The following RALYL variants were observed in gnomAD, a reference collection of about 807,000 sequenced individuals.
The protein encoded by RALYL is RALY RNA binding protein like, also known as RNA-binding Raly-like protein.
RALYL carries 29 observed loss-of-function variants against 35.1 expected under a neutral mutation model. The ratio of observed to expected loss-of-function variants is 0.83; its 90% CI spans 0.61 to 1.13. The LOEUF is 1.13. Among genes scored for constraint, RALYL ranks in the 50% most tolerant of loss-of-function variants. RALYL has a pLI of 0.00. For synonymous variants in RALYL, 120 were observed against 127.6 expected, an observed-to-expected ratio of 0.94 and a Z score of 0.40; for missense variants, 359 against 360.4, an observed-to-expected ratio of 1.00 and a Z score of 0.03.
intron 2 of RALYL, among the ~76,000 whole-genome samples, chr8:84,593,930 T>A (rs1813883320): frequency 6.6e-6 from 1 of 152,082 alleles, no homozygotes; most frequent in Admixed American, 6.6e-5. Context: ...TTGTTTATGA[T>A]CATCTTCCTT....
intron 1 of RALYL, among the ~76,000 whole-genome samples, chr8:84,443,377 C>T (rs1344565938): frequency 6.6e-6 from 1 of 152,106 alleles, no homozygotes; most frequent in African/African-American, 2.4e-5. Flanking sequence ...GTAACTAGCA[C>T]ATTGCAGAGA....
intron 1 of RALYL, among the ~76,000 whole-genome samples, chr8:84,453,103 T>TA (rs2049699796): frequency 6.6e-6 from 1 of 152,028 alleles, no homozygotes; most frequent in African/African-American, 2.4e-5. Flanking sequence ...TGATATGTGA[T>TA]ATTATGTTAT....
At chr8:84,583,787 AT>A (rs1204348437) in intron 2 of RALYL, among the ~76,000 whole-genome samples, 5 of 152,280 alleles carry the variant, frequency 3.3e-5, no homozygotes, top group African/African-American at 1.2e-4. Flanking sequence ...GGTATCTTGC[AT>A]TATTAAATCC....
rs190753923 is a variant in RALYL, at chr8:84,680,853, C to A, written c.257-93726C>A. Among the ~76,000 whole-genome samples the A allele has an allele frequency of 9.7e-3, 1,477 of 151,780 alleles. 22 individuals are homozygous for A. Among genetic ancestry groups the A allele is most frequent in the African/African-American group, 0.033 (1,357 of 41,216 alleles). Reference sequence around the variant, plus strand: ...TTGCTGTGCAGAAGCTCTTTAGTTTCATTAGATCCCATTTGTCAATTTTGG... The same window carrying A: ...TTGCTGTGCAGAAGCTCTTTAGTTTAATTAGATCCCATTTGTCAATTTTGG... On this transcript the variant is annotated intron_variant, in intron 2 of 8. Coordinates refer to ENST00000521268, the MANE Select transcript of RALYL (RefSeq NM_173848.7).
At chr8:84,652,737 C>T (rs1829103776) in intron 2 of RALYL, among the ~76,000 whole-genome samples, 1 of 151,944 alleles carries the variant, frequency 6.6e-6, no homozygotes, top group Admixed American at 6.6e-5. Flanking sequence ...TGCTTACCAC[C>T]AAAACTTTTG....
intron 1 of RALYL, among the ~76,000 whole-genome samples, chr8:84,427,216 C>G (rs1216480452): frequency 6.6e-6 from 1 of 152,318 alleles, no homozygotes; most frequent in East Asian, 1.9e-4. Context: ...ATGGCATGTA[C>G]CATCATCGTT....
chr8:84,893,765 AACT>A (rs2135486714), intron 8 of RALYL, among the ~76,000 whole-genome samples: 1 of 152,328 alleles, frequency 6.6e-6, no homozygotes, highest in Admixed American at 6.5e-5. Flanking sequence ...TCCCAAAGGA[AACT>A]ATAGACAAGC....
At chr8:84,747,163 G>A (rs956353717) in intron 2 of RALYL, among the ~76,000 whole-genome samples, 18 of 151,740 alleles carry the variant, frequency 1.2e-4, no homozygotes, top group Non-Finnish European at 2.9e-5. Context: ...AAAATTGTTA[G>A]GAGTATGTTT....
intron 1 of RALYL, among the ~76,000 whole-genome samples, chr8:84,456,981 A>G (rs2050205553): frequency 6.6e-6 from 1 of 151,988 alleles, no homozygotes; most frequent in Non-Finnish European, 1.5e-5. Flanking sequence ...TATGAAACTT[A>G]CCAGAAAATA....
chr8:84,620,413 C>T (rs1343953958), intron 2 of RALYL, among the ~76,000 whole-genome samples: 4 of 152,004 alleles, frequency 2.6e-5, no homozygotes, highest in African/African-American at 4.8e-5. Context: ...GCATTCTTCA[C>T]GTAGTTCTCG....
intron 2 of RALYL, among the ~76,000 whole-genome samples, chr8:84,611,181 G>A (rs548729917): frequency 1.5e-4 from 23 of 152,104 alleles, no homozygotes; most frequent in Non-Finnish European, 2.5e-4. Flanking sequence ...ATGCCACTGA[G>A]TGCATTTTGG....
At chr8:84,586,858 C>CACCATATG (rs1410354105) in intron 2 of RALYL, among the ~76,000 whole-genome samples, 38 of 152,242 alleles carry the variant, frequency 2.5e-4, no homozygotes, top group African/African-American at 8.4e-4. Context: ...ATTGCTAAAG[C>CACCATATG]ACCATATGAT....
intron 2 of RALYL, among the ~76,000 whole-genome samples, chr8:84,644,867 C>G (rs1024545165): frequency 3.3e-5 from 5 of 151,572 alleles, no homozygotes; most frequent in Non-Finnish European, 5.9e-5. Flanking sequence ...TTCTTGTGCC[C>G]CAGTCTCCTG....
chr8:84,738,323 T>A (rs894439041), intron 2 of RALYL, among the ~76,000 whole-genome samples: 1 of 151,958 alleles, frequency 6.6e-6, no homozygotes, highest in African/African-American at 2.4e-5. Context: ...AGAGACATAG[T>A]TAAGACCATG....
chr8:84,472,533 A>G (rs1000936347), intron 1 of RALYL, among the ~76,000 whole-genome samples: 25 of 152,226 alleles, frequency 1.6e-4, no homozygotes, highest in Admixed American at 6.5e-5. Context: ...GTTTAGAGAA[A>G]CTAGTCCATT....
intron 2 of RALYL, among the ~76,000 whole-genome samples, chr8:84,747,476 A>G (rs1009149848): frequency 6.6e-6 from 1 of 151,854 alleles, no homozygotes; most frequent in Non-Finnish European, 1.5e-5. Flanking sequence ...TCATTTACAG[A>G]GAGTTAATTA....
intron 2 of RALYL, among the ~76,000 whole-genome samples, chr8:84,686,415 T>C (rs1172930703): frequency 6.6e-6 from 1 of 152,092 alleles, no homozygotes; most frequent in East Asian, 1.9e-4. Flanking sequence ...TGTTTGTTTG[T>C]TTGTTTTGAG....
chr8:84,885,826 G>A (rs1025202842), intron 7 of RALYL, among the ~76,000 whole-genome samples: 2 of 152,082 alleles, frequency 1.3e-5, no homozygotes, highest in African/African-American at 4.8e-5. Context: ...TACTGTTGTT[G>A]TTATTCAGTG....
intron 3 of RALYL, among the ~76,000 whole-genome samples, chr8:84,791,399 T>C (rs1820747997): frequency 6.6e-6 from 1 of 152,116 alleles, no homozygotes; most frequent in Non-Finnish European, 1.5e-5. Flanking sequence ...AGAGGAATAA[T>C]GGCAGAGATG....
Sources: gnomAD v4.1 joint callset for allele counts (sites outside exome capture counted in the v4.1 genomes callset) on GRCh38, gnomAD v4.1.1 for gene constraint, MANE v1.5 for transcripts, NCBI Gene and HGNC (gene_info 2026-07-23, HGNC 2026-07-21) for gene names.